LRRC69: variants seen among roughly 807,000 people sequenced by gnomAD.
The protein encoded by LRRC69 is leucine-rich repeat-containing protein 69.
In LRRC69, 42 loss-of-function variants were observed where a neutral mutation model predicts 37.8. That is an observed-to-expected ratio of 1.11 (90% CI 0.87 to 1.44). LRRC69 has a LOEUF of 1.44. Ranked by LOEUF, LRRC69 falls within the 40% of genes most tolerant of loss-of-function variation. LRRC69 has a pLI of 0.00. For synonymous variants in LRRC69, 141 were observed against 143.1 expected (o/e 0.99, Z 0.11); for missense variants, 357 against 401.9 (o/e 0.89, Z 0.96).
chr8:91,193,439 A>T (rs1377321172), intron 6 of LRRC69, among the ~76,000 whole-genome samples: 4 of 139,792 alleles, frequency 2.9e-5, no homozygotes, highest in Non-Finnish European at 6.2e-5. Context: ...TACCTTGGGT[A>T]GTATGGCCAT....
chr8:91,129,271 A>G (rs1238492364), intron 3 of LRRC69, among the ~76,000 whole-genome samples: 3 of 152,032 alleles, frequency 2.0e-5, no homozygotes, highest in Admixed American at 2.0e-4. Context: ...CTTTCTCCAA[A>G]TTCGTCAGTC....
intron 5 of LRRC69, among the ~76,000 whole-genome samples, chr8:91,186,653 C>A (rs1366200484): frequency 6.6e-6 from 1 of 152,132 alleles, no homozygotes; most frequent in Non-Finnish European, 1.5e-5. Context: ...GTTATATGAC[C>A]AAATTTTCCT....
chr8:91,211,519 T>A (rs1809918867), intron 7 of LRRC69, among the ~76,000 whole-genome samples: 1 of 150,514 alleles, frequency 6.6e-6, no homozygotes, highest in Non-Finnish European at 1.5e-5. Flanking sequence ...GGGATGATAA[T>A]CAGATTAACC....
At chr8:91,116,123 G>A (rs1813507008) in intron 1 of LRRC69, among the ~76,000 whole-genome samples, 1 of 152,038 alleles carries the variant, frequency 6.6e-6, no homozygotes, top group Non-Finnish European at 1.5e-5. Flanking sequence ...GTGTCAATAT[G>A]TATGTATGTG....
intron 7 of LRRC69, among the ~76,000 whole-genome samples, chr8:91,208,013 A>G (rs1293781543): frequency 1.3e-5 from 2 of 152,134 alleles, no homozygotes; most frequent in African/African-American, 4.8e-5. Context: ...GTGTCTTCAC[A>G]TGGTCTTCCT....
At chr8:91,187,541 G>T (rs1362411816) in intron 5 of LRRC69, among the ~76,000 whole-genome samples, 1 of 152,126 alleles carries the variant, frequency 6.6e-6, no homozygotes, top group Admixed American at 6.5e-5. Context: ...GTACAGACAG[G>T]GGCCACCACT....
At chr8:91,205,753 G>A (rs541217317) in intron 7 of LRRC69, among the ~76,000 whole-genome samples, 28 of 152,154 alleles carry the variant, frequency 1.8e-4, no homozygotes, top group African/African-American at 6.7e-4. Flanking sequence ...AACCATGTGT[G>A]CTTAAGACAA....
At position 91,119,958 on chromosome 8, in the gene LRRC69, A is replaced by G. The variant is rs183490234; in HGVS notation, c.184-4535A>G. ...TGATTCTGTGAGTGTCCCCATATTTAAGGCATGAGTTTCTAATCCCTACAG... is the reference window on the plus strand; with the variant it reads ...TGATTCTGTGAGTGTCCCCATATTTGAGGCATGAGTTTCTAATCCCTACAG... On this transcript the variant is annotated intron_variant, in intron 1 of 7. Transcript: ENST00000448384. 2.0e-3 allele frequency among the ~76,000 whole-genome samples: 299 copies of G among 152,024 alleles called. 1 individual carries two copies. The highest frequency in any genetic ancestry group is 3.5e-3 in the Non-Finnish European group (236 of 68,014).
chr8:91,105,328 A>G (rs1390587216), intron 1 of LRRC69, among the ~76,000 whole-genome samples: 1 of 151,858 alleles, frequency 6.6e-6, no homozygotes, highest in African/African-American at 2.4e-5. Flanking sequence ...AAACCCTCAA[A>G]GAATGGTTGT....
intron 5 of LRRC69, among the ~76,000 whole-genome samples, chr8:91,161,702 G>T (rs899222868): frequency 6.6e-6 from 1 of 150,844 alleles, no homozygotes; most frequent in African/African-American, 2.4e-5. Context: ...ATGCCATGTT[G>T]ATTTTGTTTA....
At chr8:91,130,060 T>G (rs778383643) in intron 3 of LRRC69, among the ~76,000 whole-genome samples, 9 of 151,982 alleles carry the variant, frequency 5.9e-5, no homozygotes, top group Non-Finnish European at 1.2e-4. Context: ...GCCCAGAAAT[T>G]TCCTCATACA....
At chr8:91,201,305 A>G (rs1470931257) in intron 7 of LRRC69, among the ~76,000 whole-genome samples, 1 of 152,218 alleles carries the variant, frequency 6.6e-6, no homozygotes, top group Non-Finnish European at 1.5e-5. Context: ...AGAGCTCAGC[A>G]AACTCCTTTT....
rs555994072 is a variant in LRRC69, at chr8:91,195,362, G to A, written c.754-5251G>A. Among the ~76,000 whole-genome samples the A allele has an allele frequency of 9.3e-4, 141 of 151,292 alleles. 1 individual carries two copies. The highest frequency in any genetic ancestry group is 3.1e-3 in the African/African-American group (126 of 41,128). ...AGTTCTGTAGATGTCTATTAGGTCC[G>A]CTTGGTGCAGAGCTGAGTTCAATTC... On this transcript the variant is annotated intron_variant, in intron 6 of 7. Coordinates refer to ENST00000448384, the Ensembl canonical transcript of LRRC69.
intron 5 of LRRC69, among the ~76,000 whole-genome samples, chr8:91,159,088 A>G (rs559280487): frequency 2.6e-5 from 4 of 151,392 alleles, no homozygotes; most frequent in African/African-American, 9.6e-5. Context: ...CCTCAAAGGA[A>G]CACTATTAAG....
chr8:91,187,267 G>T (rs1392266774), intron 5 of LRRC69, among the ~76,000 whole-genome samples: 1 of 152,154 alleles, frequency 6.6e-6, no homozygotes, highest in Non-Finnish European at 1.5e-5. Context: ...TTCACTTAAT[G>T]ACTCAATGAC....
chr8:91,136,102 T>C (rs1163205283), intron 5 of LRRC69, among the ~76,000 whole-genome samples: 1 of 152,022 alleles, frequency 6.6e-6, no homozygotes, highest in Non-Finnish European at 1.5e-5. Flanking sequence ...AAGGTGACAC[T>C]TTTGTTAGTC....
intron 5 of LRRC69, among the ~76,000 whole-genome samples, chr8:91,147,866 G>C (rs1183337891): frequency 2.0e-5 from 3 of 151,270 alleles, no homozygotes; most frequent in Non-Finnish European, 3.0e-5. Context: ...TCCCCACCTG[G>C]CCCCCCCAAC....
At chr8:91,125,961 A>C (rs1415099095) in intron 2 of LRRC69, among the ~76,000 whole-genome samples, 4 of 151,972 alleles carry the variant, frequency 2.6e-5, no homozygotes, top group Admixed American at 6.6e-5. Context: ...TATAGTGATC[A>C]GATCAGGGTA....
At chr8:91,116,272 T>C (rs1344911148) in intron 1 of LRRC69, among the ~76,000 whole-genome samples, 1 of 151,986 alleles carries the variant, frequency 6.6e-6, no homozygotes, top group Non-Finnish European at 1.5e-5. Context: ...TATTAAACTG[T>C]CTCTAATCCT....
Sources: allele counts gnomAD v4.1 joint callset (sites outside exome capture counted in the v4.1 genomes callset), GRCh38; gene constraint gnomAD v4.1.1; transcripts MANE v1.5; gene names NCBI Gene and HGNC (gene_info 2026-07-23, HGNC 2026-07-21).